SCN8A: variants seen among roughly 807,000 people sequenced by gnomAD.
SCN8A encodes the protein sodium channel protein type 8 subunit alpha.
SCN8A carries 30 observed loss-of-function variants against 184.1 expected under a neutral mutation model. The ratio of observed to expected loss-of-function variants is 0.16; its 90% CI spans 0.12 to 0.22. The LOEUF (loss-of-function observed/expected upper bound fraction) is 0.22, where lower values mean the gene tolerates loss of function less well. Ranked by LOEUF, SCN8A falls within the 10% of genes least tolerant of loss-of-function variation. The probability of loss-of-function intolerance (pLI) is 1.00; values close to 1 mark genes in which losing one functional copy is unlikely to be tolerated. For missense variants in SCN8A, 1,057 were observed against 2,498.9 expected (o/e 0.42, Z 12.30); for synonymous variants, 852 against 907.0 (o/e 0.94, Z 1.09).
intron 14 of SCN8A, among the ~76,000 whole-genome samples, chr12:51,759,090 A>G (rs1942725653): frequency 6.6e-6 from 1 of 152,104 alleles, no homozygotes; most frequent in South Asian, 2.1e-4. Context: ...TGACAGTGAT[A>G]CCATAAGATT....
At chr12:51,749,204 T>C in intron 13 of SCN8A, among the ~76,000 whole-genome samples, 1 of 152,228 alleles carries the variant, frequency 6.6e-6, no homozygotes, top group East Asian at 1.9e-4. Context: ...TTACTTTTTG[T>C]AGGCGTGAAA....
At chr12:51,757,229 C>T (rs1245447916) in intron 14 of SCN8A, among the ~76,000 whole-genome samples, 2 of 152,112 alleles carry the variant, frequency 1.3e-5, no homozygotes, top group African/African-American at 2.4e-5. Flanking sequence ...GCAGGACTTT[C>T]GGTGTGAAAA....
intron 13 of SCN8A, among the ~76,000 whole-genome samples, chr12:51,746,674 C>T (rs1432172140): frequency 6.6e-6 from 1 of 152,020 alleles, no homozygotes; most frequent in Non-Finnish European, 1.5e-5. Flanking sequence ...CTGTCAGTGC[C>T]TGAGTTCTCT....
intron 15 of SCN8A, among the ~76,000 whole-genome samples, chr12:51,765,079 T>C (rs1942817737): frequency 6.6e-6 from 1 of 152,174 alleles, no homozygotes; most frequent in South Asian, 2.1e-4. Flanking sequence ...CTGGCCAGTA[T>C]AGGCTCTTTT....
Position 51,806,835 on chromosome 12 carries a change from T to A in SCN8A, c.5349T>A (p.Asp1783Glu). 2 of 1,614,214 alleles carry A rather than the reference T, an allele frequency of 1.2e-6. No individual in the cohort carries two copies. Among genetic ancestry groups the A allele is most frequent in the Non-Finnish European group, 1.7e-6 (2 of 1,180,036 alleles). Reference sequence around the variant, plus strand: ...AAAGTGCAGACCCTCTGAGTGAGGATGACTTTGAGACCTTCTATGAGATCT... The same window carrying A: ...AAAGTGCAGACCCTCTGAGTGAGGAAGACTTTGAGACCTTCTATGAGATCT... ...TEESADPLSE[D>E]DFETFYEIWE... Residue 1783 changes from aspartate (D) to glutamate (E), a missense_variant, in exon 27 of 27, where the codon GAT becomes GAA. Physicochemically the swap from Asp to Glu is conservative, Grantham distance 45. Coordinates refer to ENST00000627620, the MANE Select transcript of SCN8A (RefSeq NM_001330260.2). The surrounding 1 kb of genome is among the most constrained non-coding windows in gnomAD (Gnocchi z 8.7).
chr12:51,799,270 A>G lies in SCN8A; in HGVS notation c.4795+4629A>G, dbSNP rs561658599. On this transcript the variant is annotated intron_variant, in intron 26 of 26. Coordinates refer to ENST00000627620, the MANE Select transcript of SCN8A (RefSeq NM_001330260.2). ...TGCCTTTAGGACCTGCTCGAGCCCAATCAGGTGCATACCATTTCCATTTGA... is the reference window on the plus strand; with the variant it reads ...TGCCTTTAGGACCTGCTCGAGCCCAGTCAGGTGCATACCATTTCCATTTGA... Among the ~76,000 whole-genome samples, 4 of 152,292 alleles carry G rather than the reference A, an allele frequency of 2.6e-5. No individual in the cohort carries two copies. The East Asian group carries it at 5.8e-4, about 22-fold the overall frequency.
At chr12:51,604,560 C>T (rs997422998) in intron 1 of SCN8A, among the ~76,000 whole-genome samples, 1 of 151,830 alleles carries the variant, frequency 6.6e-6, no homozygotes, top group African/African-American at 2.4e-5. Context: ...GATGGAGTTT[C>T]GCTCTTGTTG....
At chr12:51,696,480 C>T (rs1026346332) in intron 6 of SCN8A, among the ~76,000 whole-genome samples, 6 of 152,204 alleles carry the variant, frequency 3.9e-5, no homozygotes, top group African/African-American at 1.4e-4. Flanking sequence ...CTGCCTTCTA[C>T]TTTATTCCAC....
In SCN8A at chr12:51,751,616, G is replaced by A. The variant is rs774339542; in HGVS notation, c.2370+23G>A. 9 of 1,530,314 alleles carry A rather than the reference G, an allele frequency of 5.9e-6. No homozygotes were observed. The South Asian group carries it at 6.8e-5, about 12-fold the overall frequency. The allele number at this position is 1,530,314 out of a possible 1,614,324, so 94.8% of individuals were successfully genotyped here. A position where few individuals can be genotyped will look rare whatever the true frequency, so the allele number is the denominator to read the frequency against. ...CTGGTAAGATGGAACACTGTCTCCC[G>A]ATATTAGGATTGGAATGTGTTTTGC... On this transcript the variant is annotated intron_variant, in intron 14 of 26. Coordinates refer to ENST00000627620, the MANE Select transcript of SCN8A (RefSeq NM_001330260.2).
intron 14 of SCN8A, among the ~76,000 whole-genome samples, chr12:51,754,239 CTG>C (rs1286959721): frequency 2.0e-5 from 3 of 151,846 alleles, no homozygotes; most frequent in Non-Finnish European, 4.4e-5. Flanking sequence ...TTGCAACTAA[CTG>C]AATACAATAG....
At chr12:51,772,397 A>T (rs202158833) in intron 19 of SCN8A, among the ~76,000 whole-genome samples, 1 of 3,474 alleles carries the variant, frequency 2.9e-4, no homozygotes, top group Non-Finnish European at 8.4e-4. Context: ...CTCCATCTCA[A>T]AAAAAAAAAA....
intron 26 of SCN8A, among the ~76,000 whole-genome samples, chr12:51,796,201 C>T (rs937984015): frequency 6.6e-6 from 1 of 152,100 alleles, no homozygotes; most frequent in Non-Finnish European, 1.5e-5. Flanking sequence ...TTCATATAAT[C>T]CTCTCAACAA....
intron 1 of SCN8A, among the ~76,000 whole-genome samples, chr12:51,639,879 CTTTTTT>C (rs71092712): frequency 1.3e-4 from 2 of 15,078 alleles, no homozygotes; most frequent in African/African-American, 2.7e-4. Flanking sequence ...AAGGTATATG[CTTTTTT>C]TTTTTTTTTT....
At chr12:51,628,686 C>A (rs1263219653) in intron 1 of SCN8A, among the ~76,000 whole-genome samples, 1 of 152,098 alleles carries the variant, frequency 6.6e-6, no homozygotes, top group African/African-American at 2.4e-5. Flanking sequence ...TGTCAACAGG[C>A]TGGTGTTTGT....
intron 1 of SCN8A, among the ~76,000 whole-genome samples, chr12:51,641,513 C>T (rs1156509242): frequency 6.6e-6 from 1 of 152,224 alleles, no homozygotes; most frequent in Non-Finnish European, 1.5e-5. Flanking sequence ...TGACCCTGAG[C>T]AAGTTACTTA....
chr12:51,774,369 G>A lies in SCN8A; in HGVS notation c.3819+7G>A, dbSNP rs1592154994. On this transcript the variant is annotated splice_region_variant and intron_variant, in intron 20 of 26. Transcript: ENST00000627620. ...GGACTTCCTCATTGTGGCTGTAGGT[G>A]TCTTGCTTTCTGTTTCCCACCCCTT... 2.5e-6 allele frequency: 4 copies of A among 1,596,336 alleles called. No individual in the cohort carries two copies. Among genetic ancestry groups the A allele is most frequent in the Non-Finnish European group, 3.4e-6 (4 of 1,170,570 alleles).
At chr12:51,765,105 G>A (rs934304607) in intron 15 of SCN8A, among the ~76,000 whole-genome samples, 1 of 151,978 alleles carries the variant, frequency 6.6e-6, no homozygotes, top group Non-Finnish European at 1.5e-5. Context: ...GATGACTGAT[G>A]TATGTGGAAC....
chr12:51,734,156 G>C (rs969560538), intron 12 of SCN8A, among the ~76,000 whole-genome samples: 1 of 152,076 alleles, frequency 6.6e-6, no homozygotes, highest in Non-Finnish European at 1.5e-5. Context: ...GCACCATTAG[G>C]TTATTAATTT....
intron 15 of SCN8A, among the ~76,000 whole-genome samples, chr12:51,763,500 T>C (rs1228325204): frequency 6.6e-6 from 1 of 152,252 alleles, no homozygotes; most frequent in African/African-American, 2.4e-5. Flanking sequence ...TATTGGGACA[T>C]AACCCCATCA....
Sources: allele counts gnomAD v4.1 joint callset (sites outside exome capture counted in the v4.1 genomes callset), GRCh38; gene constraint gnomAD v4.1.1; non-coding constraint Gnocchi (gnomAD v3.1); transcripts MANE v1.5; gene names NCBI Gene and HGNC (gene_info 2026-07-23, HGNC 2026-07-21).